The following EXT1 variants were observed in gnomAD, a reference collection of about 807,000 sequenced individuals.
EXT1 encodes exostosin glycosyltransferase 1, also known as exostosin-1.
In EXT1, 20 loss-of-function variants were observed where a neutral mutation model predicts 82.5. The observed-to-expected ratio is 0.24, with a 90% CI of 0.17 to 0.35. The LOEUF is 0.35. Among genes scored for constraint, EXT1 ranks in the 10% least tolerant of loss-of-function variants. EXT1 has a pLI of 1.00. For missense variants in EXT1, 757 were observed against 936.5 expected, an observed-to-expected ratio of 0.81 and a Z score of 2.50; for synonymous variants, 348 against 350.8, an observed-to-expected ratio of 0.99 and a Z score of 0.09.
intron 1 of EXT1, among the ~76,000 whole-genome samples, chr8:117,875,963 G>T (rs1812962448): frequency 6.6e-6 from 1 of 152,208 alleles, no homozygotes; most frequent in Admixed American, 6.5e-5. Flanking sequence ...AAGACTGAAA[G>T]CTGAACTGAA....
chr8:117,997,096 G>C (rs973848352), intron 1 of EXT1, among the ~76,000 whole-genome samples: 1 of 152,046 alleles, frequency 6.6e-6, no homozygotes, highest in African/African-American at 2.4e-5. Context: ...TTTGAGGGAA[G>C]TGGCACCCCT....
chr8:117,865,650 G>C (rs1812763817), intron 1 of EXT1, among the ~76,000 whole-genome samples: 1 of 152,064 alleles, frequency 6.6e-6, no homozygotes, highest in Non-Finnish European at 1.5e-5. Context: ...ATTTATTTCT[G>C]ACTGTCAAGA....
intron 1 of EXT1, among the ~76,000 whole-genome samples, chr8:118,049,828 G>T (rs557562247): frequency 2.0e-4 from 31 of 152,010 alleles, no homozygotes; most frequent in Non-Finnish European, 3.5e-4. Flanking sequence ...CAGTTCTGAA[G>T]CTGGCGAAGG....
At chr8:118,024,146 T>G (rs17431422) in intron 1 of EXT1, among the ~76,000 whole-genome samples, 1 of 152,088 alleles carries the variant, frequency 6.6e-6, no homozygotes, top group African/African-American at 2.4e-5. Context: ...TTTCAAAAAA[T>G]AAACCACGGT....
intron 1 of EXT1, among the ~76,000 whole-genome samples, chr8:117,929,023 C>A (rs7822471): frequency 3.6e-4 from 55 of 152,130 alleles, no homozygotes; most frequent in Non-Finnish European, 7.2e-4. Flanking sequence ...TGCATTAAGT[C>A]TGAATCCTTT....
chr8:117,951,740 A>T (rs547411597), intron 1 of EXT1, among the ~76,000 whole-genome samples: 26 of 152,360 alleles, frequency 1.7e-4, no homozygotes, highest in African/African-American at 6.0e-4. Context: ...CAGGTCTATA[A>T]GCTACAACCC....
chr8:117,877,370 G>A (rs1052759034), intron 1 of EXT1, among the ~76,000 whole-genome samples: 5 of 152,176 alleles, frequency 3.3e-5, no homozygotes, highest in Non-Finnish European at 7.3e-5. Context: ...TTCACAGGGA[G>A]TGGAGAGCAT....
intron 6 of EXT1, 51 bp downstream of exon 6, chr8:117,819,625 C>G: frequency 6.6e-7 from 1 of 1,524,942 alleles, no homozygotes; most frequent in Non-Finnish European, 9.1e-7. Flanking sequence ...GGCGGAGTCT[C>G]TGGTCTGGAG....
intron 1 of EXT1, among the ~76,000 whole-genome samples, chr8:117,936,627 C>A (rs904524770): frequency 6.6e-6 from 1 of 152,324 alleles, no homozygotes; most frequent in East Asian, 1.9e-4. Context: ...GTAATCCCAG[C>A]ACTTTCGGAT....
chr8:117,939,494 G>A (rs893913953), intron 1 of EXT1, among the ~76,000 whole-genome samples: 4 of 151,268 alleles, frequency 2.6e-5, no homozygotes, highest in Admixed American at 1.3e-4. Flanking sequence ...ACTTGAACCC[G>A]GGAAGCAGAG....
chr8:117,874,560 AGTGAGACTCTGCCTC>A, intron 1 of EXT1, among the ~76,000 whole-genome samples: 1 of 138,608 alleles, frequency 7.2e-6, no homozygotes, highest in East Asian at 2.0e-4. Flanking sequence ...TAGGCAACAA[AGTGAGACTCTGCCTC>A]AAAAAAAAAA....
chr8:118,037,914 C>G (rs566039889), intron 1 of EXT1, among the ~76,000 whole-genome samples: 1 of 145,812 alleles, frequency 6.9e-6, no homozygotes, highest in South Asian at 2.2e-4. Context: ...GATCTCGGCT[C>G]ACTGCAACCT....
At chr8:117,855,643 G>A (rs1053902847) in intron 1 of EXT1, among the ~76,000 whole-genome samples, 8 of 152,168 alleles carry the variant, frequency 5.3e-5, no homozygotes, top group Non-Finnish European at 1.2e-4. Context: ...AAGTGTGCAA[G>A]TGAAAGGAAG....
At chr8:118,088,356 A>C (rs1817464622) in intron 1 of EXT1, among the ~76,000 whole-genome samples, 1 of 152,190 alleles carries the variant, frequency 6.6e-6, no homozygotes. Flanking sequence ...TAAAGCTGTT[A>C]AGATGGAATG....
intron 1 of EXT1, among the ~76,000 whole-genome samples, chr8:118,075,703 T>C (rs1286992351): frequency 2.0e-5 from 3 of 152,140 alleles, no homozygotes; most frequent in Admixed American, 2.0e-4. Context: ...AGCATGGCAG[T>C]GGCATCTGCT....
chr8:117,910,055 A>G (rs1480089315), intron 1 of EXT1, among the ~76,000 whole-genome samples: 1 of 152,210 alleles, frequency 6.6e-6, no homozygotes, highest in Non-Finnish European at 1.5e-5. Context: ...GGCATAAGCC[A>G]CCGCACCAGC....
intron 1 of EXT1, among the ~76,000 whole-genome samples, chr8:117,937,817 G>T (rs1010421614): frequency 6.6e-6 from 1 of 152,124 alleles, no homozygotes; most frequent in Non-Finnish European, 1.5e-5. Context: ...TACACACATT[G>T]CAGCCCATGG....
Position 118,039,978 on chromosome 8 carries a change from A to G in EXT1, c.962+70107T>C, listed in dbSNP as rs182608307. ...GATTCAAAAATTCTGTGAAAGCGTA[A>G]CAACCCAAAAAACATACAGTCCTGC... On this transcript the variant is annotated intron_variant, in intron 1 of 10. Transcript: ENST00000378204. 2.0e-4 allele frequency among the ~76,000 whole-genome samples: 31 copies of G among 152,318 alleles called. No homozygotes were observed. In the East Asian group the frequency reaches 6.0e-3, roughly 29 times the overall value.
chr8:117,823,030 T>C (rs1210926587), intron 4 of EXT1, among the ~76,000 whole-genome samples: 2 of 152,156 alleles, frequency 1.3e-5, no homozygotes, highest in Non-Finnish European at 2.9e-5. Flanking sequence ...ACGGAAAGCA[T>C]ATTCAAGACA....
Sources: gnomAD v4.1 joint callset for allele counts (sites outside exome capture counted in the v4.1 genomes callset) on GRCh38, gnomAD v4.1.1 for gene constraint, MANE v1.5 for transcripts, NCBI Gene and HGNC (gene_info 2026-07-23, HGNC 2026-07-21) for gene names.